Variants in TENM1 observed in about 807,000 individuals in gnomAD.
The protein encoded by TENM1 is teneurin transmembrane protein 1.
In TENM1, 35 loss-of-function variants were observed where a neutral mutation model predicts 174.8. The ratio of observed to expected loss-of-function variants is 0.20; its 90% CI spans 0.15 to 0.27. The LOEUF is 0.27. Ranked by LOEUF, TENM1 falls within the 10% of genes least tolerant of loss-of-function variation. The pLI, the probability that TENM1 is intolerant of heterozygous loss-of-function variation, is 1.00. For synonymous variants in TENM1, 781 were observed against 798.7 expected, an observed-to-expected ratio of 0.98 and a Z score of 0.37; for missense variants, 1,633 against 2,130.1, an observed-to-expected ratio of 0.77 and a Z score of 4.59.
chrX:124,786,668 C>T (rs1345221441), intron 3 of TENM1, among the ~76,000 whole-genome samples: 1 of 111,690 alleles, frequency 9.0e-6, no homozygotes, highest in East Asian at 2.8e-4. Flanking sequence ...TTTGAAAAAC[C>T]AATGGAGTCT....
chrX:124,581,060 C>CTTTTTTT (rs1202109466), intron 11 of TENM1, among the ~76,000 whole-genome samples: 3 of 63,967 alleles, frequency 4.7e-5, no homozygotes, highest in African/African-American at 6.8e-5. Flanking sequence ...ATACTTAGTT[C>CTTTTTTT]TTTTTTTTTT....
chrX:124,877,058 T>A (rs774053061), intron 3 of TENM1, among the ~76,000 whole-genome samples: 8 of 112,465 alleles, frequency 7.1e-5, no homozygotes, highest in Non-Finnish European at 1.5e-4. Flanking sequence ...TTAAAGTCAT[T>A]ATAAAAATTG....
Position 124,815,704 on chromosome X carries a change from GA to G in TENM1, c.536-78508del, listed in dbSNP as rs757332931. 5.0e-3 allele frequency among the ~76,000 whole-genome samples: 550 copies of G among 109,614 alleles called. 3 individuals are homozygous for G. The highest frequency in any genetic ancestry group is 0.016 in the African/African-American group (495 of 30,332). ...AAAAAGAGTACTTTAGTTGAATAAAGAAAAAAAATTAAACACTGTACTCTAG... is the reference window on the plus strand; with the variant it reads ...AAAAAGAGTACTTTAGTTGAATAAAGAAAAAAATTAAACACTGTACTCTAG... On this transcript the variant is annotated intron_variant, in intron 3 of 31. Coordinates refer to ENST00000422452, the Ensembl canonical transcript of TENM1.
intron 1 of TENM1, among the ~76,000 whole-genome samples, chrX:124,941,083 C>T (rs577520102): frequency 8.1e-5 from 9 of 111,211 alleles, no homozygotes; most frequent in African/African-American, 2.9e-4. Context: ...GCTATTGCCC[C>T]TCTCTCCTTG....
At chrX:125,156,481 T>G in the TENM1 span, among the ~76,000 whole-genome samples, 1 of 112,310 alleles carries the variant, frequency 8.9e-6, no homozygotes, top group African/African-American at 3.2e-5. Flanking sequence ...AGCGTTTAGC[T>G]TTAACTTATA....
intron 3 of TENM1, among the ~76,000 whole-genome samples, chrX:124,839,694 C>T (rs191892114): frequency 4.5e-5 from 5 of 111,706 alleles, no homozygotes; most frequent in South Asian, 7.4e-4. Context: ...GGGAAATTAA[C>T]GAAGCATTAT....
chrX:124,832,701 A>C (rs2147335096), intron 3 of TENM1, among the ~76,000 whole-genome samples: 1 of 111,721 alleles, frequency 9.0e-6, no homozygotes, highest in South Asian at 3.8e-4. Flanking sequence ...CAGCCTCCTG[A>C]GTAGAAAGGA....
exon 32 of TENM1, chrX:124,380,010 TG>T (rs1419759357): frequency 8.9e-6 from 1 of 112,502 alleles, no homozygotes; most frequent in Admixed American, 9.5e-5. Flanking sequence ...GAAGGGCAAT[TG>T]GGTCCTCACT....
chrX:124,872,239 C>A (rs2057124854), intron 3 of TENM1, among the ~76,000 whole-genome samples: 1 of 110,618 alleles, frequency 9.0e-6, no homozygotes, highest in South Asian at 3.9e-4. Context: ...GCACTAGTAA[C>A]CTGGGATTAT....
intron 3 of TENM1, among the ~76,000 whole-genome samples, chrX:124,829,364 T>A (rs1461473416): frequency 8.9e-6 from 1 of 112,358 alleles, no homozygotes; most frequent in Non-Finnish European, 1.9e-5. Context: ...TAAAACTGTG[T>A]AAGGCATTTG....
chrX:124,409,230 C>A (rs987025916), intron 25 of TENM1, among the ~76,000 whole-genome samples: 1 of 111,082 alleles, frequency 9.0e-6, no homozygotes, highest in Admixed American at 9.5e-5. Context: ...TTCTAGATCC[C>A]TGAGGAATTG....
chrX:124,509,280 G>T (rs1228292428), intron 18 of TENM1, among the ~76,000 whole-genome samples: 1 of 111,055 alleles, frequency 9.0e-6, no homozygotes, highest in Non-Finnish European at 1.9e-5. Flanking sequence ...ATGTGTGGAA[G>T]GCCTTGAGAC....
the TENM1 span, among the ~76,000 whole-genome samples, chrX:125,063,693 A>AAC: frequency 2.7e-5 from 3 of 111,419 alleles, no homozygotes; most frequent in Non-Finnish European, 3.8e-5. Flanking sequence ...GAGAAATAGG[A>AAC]ACTTTTACAC....
Position 124,743,775 on chromosome X carries a change from G to A in TENM1, c.536-6578C>T, listed in dbSNP as rs752114862. On this transcript the variant is annotated intron_variant, in intron 3 of 31. Transcript: ENST00000422452. ...TTTGTTACAATCACTGGAAATGAAG[G>A]TCAACAATAAAGCACCTATGATCCT... Among the ~76,000 whole-genome samples, 441 of 111,661 alleles carry A rather than the reference G, an allele frequency of 3.9e-3. 1 individual carries two copies. Among genetic ancestry groups the A allele is most frequent in the African/African-American group, 0.013 (414 of 30,752 alleles).
chrX:125,002,024 A>G, the TENM1 span, among the ~76,000 whole-genome samples: 1 of 110,265 alleles, frequency 9.1e-6, no homozygotes, highest in Non-Finnish European at 1.9e-5. Flanking sequence ...ATGAAAGTTT[A>G]TATGATTCCA....
At chrX:124,662,230 G>A (rs1343170912) in intron 6 of TENM1, among the ~76,000 whole-genome samples, 1 of 110,071 alleles carries the variant, frequency 9.1e-6, no homozygotes, top group Admixed American at 9.8e-5. Flanking sequence ...TGAGACGGGC[G>A]GATCACAAGG....
chrX:124,753,190 A>C lies in TENM1; in HGVS notation c.536-15993T>G, dbSNP rs1301832963. On this transcript the variant is annotated intron_variant, in intron 3 of 31. Transcript: ENST00000422452. ...GAGCAGTGGTTTGTAGTTCTCCTTG[A>C]AGAGGTCCTTCACGTCCCTTGTAAT... Among the ~76,000 whole-genome samples the C allele has an allele frequency of 7.6e-3, 835 of 109,874 alleles. 14 individuals carry two copies. Among genetic ancestry groups the C allele is most frequent in the African/African-American group, 0.026 (786 of 29,929 alleles).
intron 11 of TENM1, among the ~76,000 whole-genome samples, chrX:124,575,908 A>G (rs2858428): frequency 0.24 from 26,965 of 110,994 alleles, 2,457 homozygotes; most frequent in South Asian, 0.42. Flanking sequence ...CTGCAAGAGC[A>G]TGTTTCAATC....
intron 27 of TENM1, among the ~76,000 whole-genome samples, chrX:124,402,429 C>T (rs1382514032): frequency 8.9e-6 from 1 of 111,939 alleles, no homozygotes; most frequent in Non-Finnish European, 1.9e-5. Flanking sequence ...AACTCTGCCA[C>T]AGGATCGGAA....
Sources: gnomAD v4.1 joint callset for allele counts (sites outside exome capture counted in the v4.1 genomes callset) on GRCh38, gnomAD v4.1.1 for gene constraint, MANE v1.5 for transcripts, NCBI Gene and HGNC (gene_info 2026-07-23, HGNC 2026-07-21) for gene names.